Variants in STAC2 observed in about 807,000 individuals in gnomAD.
STAC2 encodes the protein SH3 and cysteine-rich domain-containing protein 2.
Under a neutral mutation model 49.0 loss-of-function variants are expected in STAC2, and 36 were observed. The observed-to-expected ratio is 0.74, with a 90% CI of 0.56 to 0.97. The LOEUF (loss-of-function observed/expected upper bound fraction) is 0.97, where lower values mean the gene tolerates loss of function less well. Ranked by LOEUF, STAC2 falls within the 50% of genes least tolerant of loss-of-function variation. The pLI is 0.00. For synonymous variants in STAC2, 239 were observed against 214.7 expected (o/e 1.11, Z -0.99); for missense variants, 527 against 543.8 (o/e 0.97, Z 0.31).
intron 3 of STAC2, 62 bp from the exon 4 acceptor site, chr17:39,216,962 T>C (rs1403189282): frequency 1.3e-6 from 2 of 1,582,802 alleles, no homozygotes; most frequent in Non-Finnish European, 1.7e-6. Flanking sequence ...ACTTGGTCCT[T>C]CCCAAGCCCA....
chr17:39,213,012 T>A lies in STAC2; in HGVS notation c.1114A>T (p.Ser372Cys). 6.2e-7 allele frequency: 1 copy of A among 1,613,982 alleles called. No individual in the cohort carries two copies. Residue 372 changes from serine to cysteine, a missense_variant, in exon 10 of 11, where the codon AGC becomes TGC. Physicochemically the swap from Ser to Cys is moderately radical, Grantham distance 112 (BLOSUM62 -1). Transcript: ENST00000333461. ...GCACTCACCTGGTTCTCCTTGAGGC[T>A]CATGTAACCCTGTTCCTTGTTCCCG... ...FSGNKEQGYM[S>C]LKENQICVGV...
At chr17:39,213,192 G>T (rs2046370678) in intron 9 of STAC2, 60 bp from the exon 10 acceptor site, 6 of 1,590,658 alleles carry the variant, frequency 3.8e-6, no homozygotes, top group Non-Finnish European at 5.1e-6. Context: ...GCCCACCACT[G>T]CTTTCTCCAG....
At chr17:39,212,925 ACCG>A (rs2046367014) in intron 10 of STAC2, 67 bp downstream of exon 10, 9 of 1,585,292 alleles carry the variant, frequency 5.7e-6, no homozygotes, top group Non-Finnish European at 7.7e-6. Flanking sequence ...TTACCCCCGC[ACCG>A]CAGCCTGTCT....
At chr17:39,218,946 C>T (rs1379254150) in intron 1 of STAC2, among the ~76,000 whole-genome samples, 1 of 151,976 alleles carries the variant, frequency 6.6e-6, no homozygotes, top group Non-Finnish European at 1.5e-5. Flanking sequence ...GGGACTGATT[C>T]TCCCCGACAG....
rs76786198 is a variant in STAC2 at position 39,214,766 on chromosome 17, C to T, written c.843+25G>A. 3.2e-3 allele frequency: 5,114 copies of T among 1,611,956 alleles called. 145 individuals carry two copies. The East Asian group carries it at 0.047, about 15-fold the overall frequency. On this transcript the variant is annotated intron_variant, in intron 7 of 10. Coordinates refer to ENST00000333461, the MANE Select transcript of STAC2 (RefSeq NM_198993.5). ...ACACCCGCTTCCCACCCTGACCTTC[C>T]GGGCCAATGCCAGTACAGGCTCACC...
Position 39,225,578 on chromosome 17 carries a change from G to C in STAC2, c.-76C>G. On this transcript the variant is annotated 5_prime_UTR_variant, in exon 1 of 11. Coordinates refer to ENST00000333461, the MANE Select transcript of STAC2 (RefSeq NM_198993.5). This position sits in a 1 kb window ranked among gnomAD's most constrained non-coding sequence, Gnocchi z 8.2. ...CGCGGGCAGGCTGCGGGTGGCGGGCGTCTCCGGGACTCTGAAGCCGTTCTC... is the reference window on the plus strand; with the variant it reads ...CGCGGGCAGGCTGCGGGTGGCGGGCCTCTCCGGGACTCTGAAGCCGTTCTC... 7.1e-7 allele frequency: 1 copy of C among 1,409,272 alleles called. No homozygotes were observed. Among genetic ancestry groups the C allele is most frequent in the Non-Finnish European group, 9.9e-7 (1 of 1,011,866 alleles). 87.3% of individuals were successfully genotyped at this position (1,409,272 alleles called of 1,614,324 possible). A position where few individuals can be genotyped will look rare whatever the true frequency, so the allele number is the denominator to read the frequency against.
chr17:39,221,436 T>A (rs1439223194), intron 1 of STAC2, among the ~76,000 whole-genome samples: 5 of 152,112 alleles, frequency 3.3e-5, no homozygotes, highest in African/African-American at 7.2e-5. Flanking sequence ...AGGCTCTAGG[T>A]CCAAATATCC....
At chr17:39,218,836 G>A (rs758373513) in intron 1 of STAC2, among the ~76,000 whole-genome samples, 104 of 152,112 alleles carry the variant, frequency 6.8e-4, no homozygotes, top group Non-Finnish European at 1.2e-3. Flanking sequence ...AATCGCTTGA[G>A]CCAAGCAGTT....
At position 39,215,162 on chromosome 17, in the gene STAC2, G is replaced by T. The variant is rs758986331; in HGVS notation, c.655C>A (p.Arg219Ser). 1 of 1,614,028 alleles carries T rather than the reference G, an allele frequency of 6.2e-7. No homozygotes were observed. The highest frequency in any genetic ancestry group is 1.3e-5 in the African/African-American group (1 of 74,990). Residue 219 changes from arginine (R) to serine (S), a missense_variant, in exon 5 of 11, where the codon CGC becomes AGC. By Grantham distance (110) the Arg-to-Ser change is moderately radical. Transcript: ENST00000333461. ...TCAGAGGTGCTGCTGAAACTGGAGC[G>T]GTTCATCAGTGCCAGGGAGGTGCCA... is the stretch of plus-strand genomic sequence containing the variant. ...RYGTSLALMN[R>S]SSFSSTSESP...
Position 39,218,119 on chromosome 17 carries a change from A to C in STAC2, c.145T>G (p.Leu49Val). ...SLKTILRSKS[L>V]ENFFLRSGSE... ...CCCGAGCGAAGGAAGAAGTTCTCCA[A>C]GCTCTTACTTCGGAGGATGGTCTTG... The change falls in exon 2 of 11, where the codon TTG becomes GTG. Residue 49 changes from leucine to valine, a missense_variant. By Grantham distance (32) the Leu-to-Val change is conservative. Coordinates refer to ENST00000333461, the MANE Select transcript of STAC2 (RefSeq NM_198993.5). 6.2e-7 allele frequency: 1 copy of C among 1,613,474 alleles called. No individual in the cohort carries two copies. Among genetic ancestry groups the C allele is most frequent in the Non-Finnish European group, 8.5e-7 (1 of 1,180,014 alleles).
chr17:39,218,809 A>G (rs2046434326), intron 1 of STAC2, among the ~76,000 whole-genome samples: 2 of 151,724 alleles, frequency 1.3e-5, no homozygotes, highest in Admixed American at 1.3e-4. Context: ...GCACTCTGAG[A>G]GGCTGAGGCG....
chr17:39,224,082 G>A (rs545618420), intron 1 of STAC2, among the ~76,000 whole-genome samples: 13 of 152,084 alleles, frequency 8.5e-5, no homozygotes, highest in Non-Finnish European at 1.6e-4. Flanking sequence ...GGGTGCCTCT[G>A]CCAGACTCCA....
In STAC2 at chr17:39,217,247, T is replaced by A. The variant is rs895022986; in HGVS notation, c.398-74A>T. 6 of 1,456,168 alleles carry A rather than the reference T, an allele frequency of 4.1e-6. No homozygotes were observed. The African/African-American group carries it at 8.3e-5, about 20-fold the overall frequency. The allele number at this position is 1,456,168 out of a possible 1,614,324, so 90.2% of individuals were successfully genotyped here. On this transcript the variant is annotated intron_variant, in intron 2 of 10. Transcript: ENST00000333461. ...GGCAAAGGAGGGGCACATTAGGGGA[T>A]GAGGAGAGCAGGGGTTGGGCATTCT...
intron 1 of STAC2, among the ~76,000 whole-genome samples, chr17:39,219,574 G>A (rs901624233): frequency 6.6e-6 from 1 of 152,162 alleles, no homozygotes; most frequent in African/African-American, 2.4e-5. Context: ...AAATCCCCAC[G>A]CAGGCTCTCA....
intron 10 of STAC2, 62 bp from the exon 11 acceptor site, chr17:39,212,458 G>A (rs1479813389): frequency 2.9e-6 from 4 of 1,368,014 alleles, no homozygotes; most frequent in Non-Finnish European, 4.1e-6. Flanking sequence ...CCTGAGTCCT[G>A]CCCATGGCCC....
At chr17:39,214,511 C>T (rs1209071455) in intron 7 of STAC2, 181 bp from the exon 8 acceptor site, 28 of 954,134 alleles carry the variant, frequency 2.9e-5, no homozygotes, top group South Asian at 1.9e-4. Flanking sequence ...CGCACTGGGA[C>T]GGGAATGGAG....
intron 10 of STAC2, 68 bp downstream of exon 10, chr17:39,212,927 C>G: frequency 6.3e-7 from 1 of 1,588,158 alleles, no homozygotes; most frequent in East Asian, 2.2e-5. Context: ...ACCCCCGCAC[C>G]GCAGCCTGTC....
chr17:39,213,789 G>A (rs1049280037), intron 8 of STAC2, among the ~76,000 whole-genome samples: 2 of 150,474 alleles, frequency 1.3e-5, no homozygotes, highest in Non-Finnish European at 2.9e-5. Flanking sequence ...CCATTCTCCT[G>A]CCTCAGCCTC....
At chr17:39,223,976 C>G (rs893930264) in intron 1 of STAC2, among the ~76,000 whole-genome samples, 2 of 152,154 alleles carry the variant, frequency 1.3e-5, no homozygotes, top group African/African-American at 4.8e-5. Context: ...ACCAGAGTCT[C>G]ATTTTTAGAA....
Sources: gnomAD v4.1 joint callset for allele counts (sites outside exome capture counted in the v4.1 genomes callset) on GRCh38, gnomAD v4.1.1 for gene constraint, Gnocchi (gnomAD v3.1) non-coding constraint, MANE v1.5 for transcripts, NCBI Gene and HGNC (gene_info 2026-07-23, HGNC 2026-07-21) for gene names.